Variants in DIP2C observed in about 807,000 individuals in gnomAD.
DIP2C encodes DIP2 acetate--CoA ligase C (putative).
DIP2C carries 33 observed loss-of-function variants against 192.4 expected under a neutral mutation model. The observed-to-expected ratio is 0.17, with a 90% CI of 0.13 to 0.23. The LOEUF (loss-of-function observed/expected upper bound fraction) is 0.23. Ranked by LOEUF, DIP2C falls within the 10% of genes least tolerant of loss-of-function variation. The probability of loss-of-function intolerance (pLI) is 1.00; values close to 1 mark genes in which losing one functional copy is unlikely to be tolerated. For synonymous variants in DIP2C, 979 were observed against 864.1 expected (o/e 1.13, Z -2.33); for missense variants, 1,537 against 2,110.1 (o/e 0.73, Z 5.32).
chr10:493,195 C>G (rs1052358711), intron 1 of DIP2C, among the ~76,000 whole-genome samples: 1 of 152,176 alleles, frequency 6.6e-6, no homozygotes, highest in African/African-American at 2.4e-5. Context: ...CAGTTTCACA[C>G]AAAACCGCTG....
chr10:639,054 G>A (rs1250474254), intron 1 of DIP2C, among the ~76,000 whole-genome samples: 2 of 152,256 alleles, frequency 1.3e-5, no homozygotes, highest in Non-Finnish European at 2.9e-5. Context: ...CATGTCACCT[G>A]CCTGCATGAT....
intron 1 of DIP2C, among the ~76,000 whole-genome samples, chr10:657,552 A>T (rs1468175989): frequency 2.8e-5 from 1 of 35,412 alleles, no homozygotes; most frequent in Non-Finnish European, 6.1e-5. Context: ...TGGACCTCAC[A>T]CTGGACCTGT....
chr10:514,301 T>C (rs897782718), intron 1 of DIP2C, among the ~76,000 whole-genome samples: 1 of 152,188 alleles, frequency 6.6e-6, no homozygotes. Context: ...GTTGAAGGCA[T>C]GGCAACCCCA....
chr10:551,024 C>T (rs929529888), intron 1 of DIP2C, among the ~76,000 whole-genome samples: 8 of 151,936 alleles, frequency 5.3e-5, no homozygotes, highest in Admixed American at 5.2e-4. Flanking sequence ...CGATTTCCCC[C>T]TCTGCCCTCA....
intron 1 of DIP2C, among the ~76,000 whole-genome samples, chr10:683,576 G>T (rs1359226749): frequency 6.6e-6 from 1 of 152,156 alleles, no homozygotes; most frequent in Non-Finnish European, 1.5e-5. Flanking sequence ...ACGTTCCAGA[G>T]GACAAAATGC....
At chr10:333,385 C>T (rs1406127015) in intron 29 of DIP2C, among the ~76,000 whole-genome samples, 1 of 152,204 alleles carries the variant, frequency 6.6e-6, no homozygotes, top group Non-Finnish European at 1.5e-5. Context: ...CCATTTCCAG[C>T]CCTAGCCCCA....
chr10:309,028 C>T, intron 32 of DIP2C, among the ~76,000 whole-genome samples: 1 of 152,304 alleles, frequency 6.6e-6, no homozygotes, highest in Non-Finnish European at 1.5e-5. Flanking sequence ...CAACAGGTCA[C>T]GGAGCGGCTG....
At chr10:284,311 G>A (rs973230414) in intron 34 of DIP2C, among the ~76,000 whole-genome samples, 8 of 152,186 alleles carry the variant, frequency 5.3e-5, no homozygotes, top group African/African-American at 1.9e-4. Context: ...AAATGAAAAA[G>A]TGAAACTGAG....
At chr10:306,720 C>T (rs983423215) in intron 32 of DIP2C, among the ~76,000 whole-genome samples, 1 of 152,238 alleles carries the variant, frequency 6.6e-6, no homozygotes, top group African/African-American at 2.4e-5. Context: ...TGGTCAGCAG[C>T]CCTGGGCCGG....
At chr10:470,615 T>C (rs972715622) in intron 3 of DIP2C, among the ~76,000 whole-genome samples, 5 of 152,158 alleles carry the variant, frequency 3.3e-5, no homozygotes, top group South Asian at 2.1e-4. Context: ...GTAGCTGGGA[T>C]TGTGAAGATG....
At chr10:581,731 G>T (rs145825813) in intron 1 of DIP2C, among the ~76,000 whole-genome samples, 1 of 152,224 alleles carries the variant, frequency 6.6e-6, no homozygotes, top group Non-Finnish European at 1.5e-5. Flanking sequence ...TTCTGGGTCA[G>T]TTCTACCCGG....
chr10:540,244 CT>C (rs1174035104), intron 1 of DIP2C, among the ~76,000 whole-genome samples: 1 of 152,238 alleles, frequency 6.6e-6, no homozygotes, highest in Non-Finnish European at 1.5e-5. Flanking sequence ...ACCGCCAAAG[CT>C]TATGTACTTG....
At chr10:679,476 C>A (rs79218966) in intron 1 of DIP2C, among the ~76,000 whole-genome samples, 8,505 of 13,062 alleles carry the variant, frequency 0.65, 3,384 homozygotes, top group Middle Eastern at 0.9. Flanking sequence ...CCCCACACCC[C>A]TGCTCCCCAC....
chr10:640,116 T>C lies in DIP2C; in HGVS notation c.85+49378A>G, dbSNP rs1855089248. The stretch of plus-strand genomic sequence containing the variant: ...CTAAATCTCCCATACCCGCCACGCC[T>C]GTGGGCCTGTGCCTGTCCCTCCACG... On this transcript the variant is annotated intron_variant, in intron 1 of 36. Transcript: ENST00000280886. Among the ~76,000 whole-genome samples the C allele has an allele frequency of 1.3e-5, 2 of 151,888 alleles. 1 individual carries two copies. Among genetic ancestry groups the C allele is most frequent in the Non-Finnish European group, 2.9e-5 (2 of 68,004 alleles).
chr10:333,647 C>T (rs1957604265), intron 29 of DIP2C, among the ~76,000 whole-genome samples: 2 of 152,372 alleles, frequency 1.3e-5, no homozygotes, highest in South Asian at 2.1e-4. Context: ...CCTAGGAGTG[C>T]AGCTGCTGAG....
At position 503,592 on chromosome 10, in the gene DIP2C, C is replaced by G. The variant is rs12571260; in HGVS notation, c.86-17062G>C. 7.5e-4 allele frequency among the ~76,000 whole-genome samples: 114 copies of G among 152,356 alleles called. No homozygotes were observed. In the East Asian group the frequency reaches 0.017, roughly 23 times the overall value. On this transcript the variant is annotated intron_variant, in intron 1 of 36. Coordinates refer to ENST00000280886, the MANE Select transcript of DIP2C (RefSeq NM_014974.3). ...CCACCTGACCATCCAGGAGTCGTCA[C>G]TGACAGACCCAAAACCAGTGGGTGC...
intron 1 of DIP2C, among the ~76,000 whole-genome samples, chr10:531,803 T>G (rs998232867): frequency 6.6e-6 from 1 of 152,146 alleles, no homozygotes; most frequent in African/African-American, 2.4e-5. Flanking sequence ...CGGGTGCCCG[T>G]GTCAAGAACA....
chr10:472,395 C>G (rs749562363), intron 3 of DIP2C, 44 bp downstream of exon 3: 5 of 1,571,974 alleles, frequency 3.2e-6, no homozygotes, highest in Non-Finnish European at 2.6e-6. Flanking sequence ...CGTCCTGGCA[C>G]AGGTGGCAGA....
chr10:647,455 G>A lies in DIP2C; in HGVS notation c.85+42039C>T, dbSNP rs1360557076. The stretch of plus-strand genomic sequence containing the variant: ...TCCACATCCACATTGGATGGTGGGC[G>A]AGAACAGAAGGAAACTGAGTCCACG... On this transcript the variant is annotated intron_variant, in intron 1 of 36. Transcript: ENST00000280886. Among the ~76,000 whole-genome samples the A allele has an allele frequency of 4.6e-5, 7 of 151,552 alleles. No homozygotes were observed. The South Asian group carries it at 6.3e-4, about 14-fold the overall frequency.
Sources: gnomAD v4.1 joint callset for allele counts (sites outside exome capture counted in the v4.1 genomes callset) on GRCh38, gnomAD v4.1.1 for gene constraint, MANE v1.5 for transcripts, NCBI Gene and HGNC (gene_info 2026-07-23, HGNC 2026-07-21) for gene names.